Variants in PCSK2 observed in about 807,000 individuals in gnomAD.
The protein encoded by PCSK2 is proprotein convertase subtilisin/kexin type 2, also known as neuroendocrine convertase 2.
PCSK2 carries 14 observed loss-of-function variants against 69.7 expected under a neutral mutation model. That is an observed-to-expected ratio of 0.20 (90% CI 0.13 to 0.31). The LOEUF (loss-of-function observed/expected upper bound fraction) is 0.31, where lower values mean the gene tolerates loss of function less well. Ranked by LOEUF, PCSK2 falls within the 10% of genes least tolerant of loss-of-function variation. The pLI, the probability that PCSK2 is intolerant of heterozygous loss-of-function variation, is 1.00. For synonymous variants in PCSK2, 307 were observed against 320.7 expected (o/e 0.96, Z 0.46); for missense variants, 544 against 842.5 (o/e 0.65, Z 4.39).
chr20:17,271,885 C>T (rs923160830), intron 2 of PCSK2, among the ~76,000 whole-genome samples: 1 of 152,124 alleles, frequency 6.6e-6, no homozygotes, highest in African/African-American at 2.4e-5. Context: ...GCAGTCCCTA[C>T]TCTACAACAC....
chr20:17,389,664 G>C (rs189382718), intron 5 of PCSK2, among the ~76,000 whole-genome samples: 1 of 152,194 alleles, frequency 6.6e-6, no homozygotes, highest in Non-Finnish European at 1.5e-5. Context: ...AATCTGGGGA[G>C]CTGTGAGGAC....
intron 2 of PCSK2, among the ~76,000 whole-genome samples, chr20:17,326,664 A>T (rs1411224704): frequency 6.6e-6 from 1 of 152,214 alleles, no homozygotes; most frequent in Non-Finnish European, 1.5e-5. Context: ...GCAGTCAGAG[A>T]TGGAATGTGG....
intron 2 of PCSK2, among the ~76,000 whole-genome samples, chr20:17,300,833 C>T (rs1330754834): frequency 1.3e-5 from 2 of 152,132 alleles, no homozygotes; most frequent in Admixed American, 6.5e-5. Context: ...TGCCTTCAGG[C>T]GAAGTCCTCA....
At chr20:17,479,430 A>T (rs1001242026) in intron 11 of PCSK2, 3 of 598,968 alleles carry the variant, frequency 5.0e-6, no homozygotes, top group Non-Finnish European at 6.3e-6. Flanking sequence ...GTACTCCTCC[A>T]TGGTAGCGCC....
At chr20:17,245,256 C>T (rs1329481933) in intron 1 of PCSK2, among the ~76,000 whole-genome samples, 1 of 152,190 alleles carries the variant, frequency 6.6e-6, no homozygotes, top group Non-Finnish European at 1.5e-5. Flanking sequence ...ATGGAAATTA[C>T]TTTTTCAAGC....
intron 11 of PCSK2, among the ~76,000 whole-genome samples, chr20:17,479,813 A>C (rs1271869378): frequency 3.9e-4 from 59 of 151,250 alleles, no homozygotes; most frequent in South Asian, 4.2e-4. Flanking sequence ...AAAAAAAAAA[A>C]AAAAAAAAGA....
At chr20:17,434,336 C>G (rs1304579994) in intron 7 of PCSK2, among the ~76,000 whole-genome samples, 17 of 150,752 alleles carry the variant, frequency 1.1e-4, no homozygotes, top group Non-Finnish European at 2.1e-4. Context: ...AGAGGCCTTC[C>G]CTAAAAACCC....
chr20:17,265,566 A>G (rs1041066888), intron 2 of PCSK2, among the ~76,000 whole-genome samples: 3 of 152,228 alleles, frequency 2.0e-5, no homozygotes, highest in Non-Finnish European at 4.4e-5. Context: ...AAGGGAAAAT[A>G]GCATTTTGTA....
intron 6 of PCSK2, among the ~76,000 whole-genome samples, chr20:17,411,700 C>A (rs1227055110): frequency 1.3e-5 from 2 of 152,254 alleles, no homozygotes; most frequent in Admixed American, 1.3e-4. Flanking sequence ...TGAGAATGGA[C>A]AGACTGCCTC....
chr20:17,323,045 A>G (rs545510757), intron 2 of PCSK2, among the ~76,000 whole-genome samples: 1 of 152,200 alleles, frequency 6.6e-6, no homozygotes, highest in East Asian at 1.9e-4. Flanking sequence ...TTGTATTATT[A>G]GTAGAGATGG....
At chr20:17,227,531 G>A (rs750818445) in intron 1 of PCSK2, 49 bp downstream of exon 1, 5 of 1,471,036 alleles carry the variant, frequency 3.4e-6, no homozygotes, top group Non-Finnish European at 3.8e-6. Context: ...GGGGGGACGG[G>A]GGGGCAGCCC....
intron 1 of PCSK2, among the ~76,000 whole-genome samples, chr20:17,244,141 G>A (rs1390819858): frequency 3.3e-5 from 5 of 152,218 alleles, no homozygotes; most frequent in South Asian, 2.1e-4. Flanking sequence ...AAAGTAATAC[G>A]TATATGTAGG....
chr20:17,334,306 C>A (rs1359694621), intron 2 of PCSK2, among the ~76,000 whole-genome samples: 5 of 152,110 alleles, frequency 3.3e-5, no homozygotes, highest in Admixed American at 3.3e-4. Flanking sequence ...GTACCACAGG[C>A]ACACTGAATT....
At chr20:17,387,915 T>G (rs148505619) in intron 5 of PCSK2, among the ~76,000 whole-genome samples, 2,567 of 152,320 alleles carry the variant, frequency 0.017, 32 homozygotes, top group Middle Eastern at 0.037. Context: ...TACTCGGTGA[T>G]ATAAATGTGT....
chr20:17,365,244 A>C (rs897773031), intron 4 of PCSK2, among the ~76,000 whole-genome samples: 3 of 152,162 alleles, frequency 2.0e-5, no homozygotes, highest in African/African-American at 7.2e-5. Flanking sequence ...CTCCCCTGGC[A>C]GAAGGGGTAA....
chr20:17,355,867 C>T (rs1371549976), intron 2 of PCSK2, among the ~76,000 whole-genome samples: 3 of 152,146 alleles, frequency 2.0e-5, no homozygotes, highest in Non-Finnish European at 1.5e-5. Flanking sequence ...AAATTTAATC[C>T]CCAACAGTTT....
At chr20:17,360,117 A>C (rs1353254178) in intron 3 of PCSK2, among the ~76,000 whole-genome samples, 1 of 152,230 alleles carries the variant, frequency 6.6e-6, no homozygotes, top group South Asian at 2.1e-4. Flanking sequence ...GTTATATTCA[A>C]ATAAGAATAA....
intron 2 of PCSK2, among the ~76,000 whole-genome samples, chr20:17,296,887 C>G (rs1260477193): frequency 6.6e-6 from 1 of 152,128 alleles, no homozygotes; most frequent in East Asian, 1.9e-4. Context: ...ATTCGTTGGA[C>G]TCAAAGATAT....
At chr20:17,325,236 A>T (rs1393336821) in intron 2 of PCSK2, among the ~76,000 whole-genome samples, 2 of 152,150 alleles carry the variant, frequency 1.3e-5, no homozygotes, top group African/African-American at 4.8e-5. Context: ...ACCAAGCAGA[A>T]GGTCCAGCAC....
Sources: gnomAD v4.1 joint callset for allele counts (sites outside exome capture counted in the v4.1 genomes callset) on GRCh38, gnomAD v4.1.1 for gene constraint, MANE v1.5 for transcripts, NCBI Gene and HGNC (gene_info 2026-07-23, HGNC 2026-07-21) for gene names.